Variants in IGSF10 observed in about 807,000 individuals in gnomAD.
The protein encoded by IGSF10 is calvaria mechanical force protein 608.
IGSF10 carries 126 observed loss-of-function variants against 128.2 expected under a neutral mutation model. The ratio of observed to expected loss-of-function variants is 0.98; its 90% CI spans 0.85 to 1.14. IGSF10 has a LOEUF of 1.14. IGSF10 is among the 50% of genes most tolerant of loss of function. IGSF10 has a pLI of 0.00. For missense variants in IGSF10, 3,295 were observed against 3,149.8 expected (o/e 1.05, Z -1.10); for synonymous variants, 1,185 against 1,146.2 (o/e 1.03, Z -0.68).
the IGSF10 span, among the ~76,000 whole-genome samples, chr3:151,571,782 C>T: frequency 6.6e-6 from 1 of 151,644 alleles, no homozygotes; most frequent in African/African-American, 2.4e-5. Context: ...TGAGAGAGGG[C>T]ATCCCTGTCT....
chr3:151,571,261 T>C, the IGSF10 span, among the ~76,000 whole-genome samples: 2 of 152,242 alleles, frequency 1.3e-5, no homozygotes, highest in Non-Finnish European at 2.9e-5. Context: ...TTTCCAATTC[T>C]GTGAAGAAAG....
chr3:151,480,799 A>C, the IGSF10 span, among the ~76,000 whole-genome samples: 3 of 151,950 alleles, frequency 2.0e-5, no homozygotes, highest in Non-Finnish European at 2.9e-5. Flanking sequence ...GAACTGAAGT[A>C]ATACCCCACC....
chr3:151,544,186 G>A, the IGSF10 span, among the ~76,000 whole-genome samples: 1 of 152,244 alleles, frequency 6.6e-6, no homozygotes, highest in African/African-American at 2.4e-5. Context: ...TGGGATTACA[G>A]GCATGAGCCA....
chr3:151,522,986 A>G, the IGSF10 span, among the ~76,000 whole-genome samples: 283 of 151,784 alleles, frequency 1.9e-3, 6 homozygotes, highest in East Asian at 0.032. Flanking sequence ...TCAGTAAATC[A>G]ATGTACAAAA....
At chr3:151,483,812 A>G in the IGSF10 span, among the ~76,000 whole-genome samples, 1 of 152,240 alleles carries the variant, frequency 6.6e-6, no homozygotes, top group Non-Finnish European at 1.5e-5. Context: ...CCTGCAGACC[A>G]GGAGATTCCC....
In IGSF10 at chr3:151,447,900, G is replaced by T. The variant is rs772829788; in HGVS notation, c.2081C>A (p.Pro694Gln). The change falls in exon 6 of 8, where the codon CCA becomes CAA. Residue 694 changes from proline to glutamine, a missense_variant. Transcript: ENST00000282466. Reference protein sequence around the residue: ...SNPIAHLKEPPGAQLRTSALM... With the variant: ...SNPIAHLKEPQGAQLRTSALM... The stretch of plus-strand genomic sequence containing the variant: ...AGCAGATGTACGGAGTTGTGCACCT[G>T]GTGGCTCCTTAAGATGAGCAATAGG... 1 of 1,614,028 alleles carries T rather than the reference G, an allele frequency of 6.2e-7. No homozygotes were observed. The highest frequency in any genetic ancestry group is 1.1e-5 in the South Asian group (1 of 91,074).
chr3:151,446,220 G>A lies in IGSF10; in HGVS notation c.3761C>T (p.Thr1254Ile). The part of the protein sequence containing the change: ...RDKVSPFHFT[T>I]LSTSVMQIPS... Reference sequence around the variant, plus strand: ...AATTTGCATCACACTTGTTGAAAGTGTGGTGAAATGGAAAGGGGAGACTTT... The same window carrying A: ...AATTTGCATCACACTTGTTGAAAGTATGGTGAAATGGAAAGGGGAGACTTT... Residue 1254 changes from threonine (T) to isoleucine (I), a missense_variant, in exon 6 of 8, where the codon ACA (threonine) becomes ATA (isoleucine). By Grantham distance (89) the Thr-to-Ile change is moderately conservative. Coordinates refer to ENST00000282466, the MANE Select transcript of IGSF10 (RefSeq NM_178822.5). The A allele has an allele frequency of 6.2e-7, 1 of 1,613,752 alleles. No homozygotes were observed. The highest frequency in any genetic ancestry group is 1.1e-5 in the South Asian group (1 of 91,058).
the IGSF10 span, among the ~76,000 whole-genome samples, chr3:151,505,949 CTT>C: frequency 1.6e-4 from 2 of 12,662 alleles, no homozygotes; most frequent in Admixed American, 1.3e-3. Context: ...CTTCTTCTTC[CTT>C]TTTTTTTTTT....
the IGSF10 span, among the ~76,000 whole-genome samples, chr3:151,541,626 C>T: frequency 5.9e-5 from 9 of 152,188 alleles, no homozygotes; most frequent in Non-Finnish European, 8.8e-5. Flanking sequence ...TCTCTCTCTG[C>T]ATATGTTTTA....
the IGSF10 span, among the ~76,000 whole-genome samples, chr3:151,495,265 CT>C: frequency 6.6e-6 from 1 of 152,138 alleles, no homozygotes; most frequent in Non-Finnish European, 1.5e-5. Flanking sequence ...GAATGGGAAA[CT>C]TCCTGTGCTC....
the IGSF10 span, among the ~76,000 whole-genome samples, chr3:151,495,765 T>C: frequency 3.3e-5 from 5 of 152,224 alleles, no homozygotes; most frequent in Admixed American, 2.6e-4. Flanking sequence ...TTCTCACAAA[T>C]TGGATACTAA....
chr3:151,440,992 ATAAT>A (rs1577664009), intron 7 of IGSF10, among the ~76,000 whole-genome samples: 4 of 152,358 alleles, frequency 2.6e-5, no homozygotes, highest in East Asian at 1.9e-4. Flanking sequence ...GCTAACATAA[ATAAT>A]TAAGTTTGAA....
chr3:151,476,347 A>G, the IGSF10 span, among the ~76,000 whole-genome samples: 1 of 151,974 alleles, frequency 6.6e-6, no homozygotes, highest in South Asian at 2.1e-4. Flanking sequence ...GTGGAGAAAC[A>G]TGCTGTTTTA....
chr3:151,458,271 C>T (rs943225434), intron 3 of IGSF10, among the ~76,000 whole-genome samples: 12 of 152,022 alleles, frequency 7.9e-5, no homozygotes, highest in South Asian at 2.1e-4. Flanking sequence ...AGCTTTTTAC[C>T]GTCATGAGTC....
chr3:151,569,544 A>C, the IGSF10 span, among the ~76,000 whole-genome samples: 1 of 152,092 alleles, frequency 6.6e-6, no homozygotes, highest in Non-Finnish European at 1.5e-5. Context: ...CACACCATTT[A>C]AGTAGGGGTA....
Position 151,438,495 on chromosome 3 carries a change from C to T in IGSF10, c.6066G>A (p.Met2022Ile), listed in dbSNP as rs747617244. 4 of 1,614,102 alleles carry T rather than the reference C, an allele frequency of 2.5e-6. No individual in the cohort carries two copies. Among genetic ancestry groups the T allele is most frequent in the Middle Eastern group, 1.6e-4 (1 of 6,062 alleles). The change falls in exon 8 of 8, where the codon ATG becomes ATA. Residue 2022 changes from methionine to isoleucine, a missense_variant. Coordinates refer to ENST00000282466, the MANE Select transcript of IGSF10 (RefSeq NM_178822.5). ...GVYLCVARNK[M>I]GDDLILMHVS... is the part of the protein sequence containing the mutation. ...CATGCATCAGTATCAGATCATCCCC[C>T]ATTTTGTTTCTTGCCACACACAAGT...
downstream of IGSF10, chr3:151,434,986 G>T (rs1390814559): frequency 1.4e-5 from 2 of 147,820 alleles, no homozygotes; most frequent in African/African-American, 5.0e-5. Flanking sequence ...TTACCCCTGC[G>T]CATTATAAAG....
In IGSF10 at chr3:151,457,167, A is replaced by C. The variant is rs769270515; in HGVS notation, c.195-12T>G. 1 of 1,613,682 alleles carries C rather than the reference A, an allele frequency of 6.2e-7. No individual in the cohort carries two copies. Among genetic ancestry groups the C allele is most frequent in the South Asian group, 1.1e-5 (1 of 90,946 alleles). ...CCAAGCTGTTGTATCTGAAATAAAA[A>C]ATGACATTCTAGGCATAAGCTAAGT... On this transcript the variant is annotated splice_polypyrimidine_tract_variant and intron_variant, in intron 3 of 7. Transcript: ENST00000282466.
At chr3:151,527,473 A>G in the IGSF10 span, among the ~76,000 whole-genome samples, 1 of 152,218 alleles carries the variant, frequency 6.6e-6, no homozygotes, top group Admixed American at 6.5e-5. Flanking sequence ...TGTCTCCATA[A>G]ATACTTTTTG....
Sources: allele counts gnomAD v4.1 joint callset (sites outside exome capture counted in the v4.1 genomes callset), GRCh38; gene constraint gnomAD v4.1.1; transcripts MANE v1.5; gene names NCBI Gene and HGNC (gene_info 2026-07-23, HGNC 2026-07-21).